Variants in CCDC171 observed in about 807,000 individuals in gnomAD.
The protein encoded by CCDC171 is coiled-coil domain-containing protein 171.
CCDC171 carries 177 observed loss-of-function variants against 168.2 expected under a neutral mutation model. That is an observed-to-expected ratio of 1.05 (90% CI 0.93 to 1.19). The LOEUF (loss-of-function observed/expected upper bound fraction) is 1.19, where lower values mean the gene tolerates loss of function less well. Among genes scored for constraint, CCDC171 ranks in the 50% most tolerant of loss-of-function variants. The pLI, the probability that CCDC171 is intolerant of heterozygous loss-of-function variation, is 0.00. For synonymous variants in CCDC171, 687 were observed against 540.8 expected (o/e 1.27, Z -3.75); for missense variants, 1,991 against 1,539.0 (o/e 1.29, Z -4.91).
the CCDC171 span, among the ~76,000 whole-genome samples, chr9:16,103,196 T>C: frequency 2.6e-5 from 4 of 152,168 alleles, no homozygotes; most frequent in African/African-American, 7.2e-5. Context: ...GTTTCAGTTC[T>C]GAGCTTTAAG....
chr9:15,860,239 T>C (rs2061503816), intron 23 of CCDC171, among the ~76,000 whole-genome samples: 1 of 151,878 alleles, frequency 6.6e-6, no homozygotes, highest in Non-Finnish European at 1.5e-5. Context: ...TGATTTTCTC[T>C]ATTGTGTTTT....
At chr9:15,623,475 G>GCGTGCGCGCACGCGCACACACACA in intron 7 of CCDC171, 62 bp downstream of exon 7, 1 of 293,708 alleles carries the variant, frequency 3.4e-6, no homozygotes, top group Admixed American at 5.3e-5. Context: ...GCGCGCGCGC[G>GCGTGCGCGCACGCGCACACACACA]CACACACACA....
intron 23 of CCDC171, among the ~76,000 whole-genome samples, chr9:15,873,827 A>G (rs1246346008): frequency 6.6e-6 from 1 of 152,126 alleles, no homozygotes; most frequent in East Asian, 1.9e-4. Context: ...TGTTTTTCCC[A>G]TATCGGTGAT....
At chr9:15,597,998 T>G (rs142318370) in intron 6 of CCDC171, among the ~76,000 whole-genome samples, 4,899 of 152,218 alleles carry the variant, frequency 0.032, 133 homozygotes, top group Non-Finnish European at 0.044. Context: ...GATATCCCCT[T>G]TATGATTTTT....
chr9:15,812,937 G>A (rs2059418487), intron 21 of CCDC171, among the ~76,000 whole-genome samples: 1 of 152,182 alleles, frequency 6.6e-6, no homozygotes, highest in African/African-American at 2.4e-5. Flanking sequence ...GGACCTCGTG[G>A]TAACTACTGA....
At chr9:15,752,825 C>T (rs1275342758) in intron 18 of CCDC171, among the ~76,000 whole-genome samples, 1 of 151,920 alleles carries the variant, frequency 6.6e-6, no homozygotes, top group Non-Finnish European at 1.5e-5. Context: ...ACCAACATGG[C>T]TCATATATAC....
At chr9:15,874,889 C>A in intron 24 of CCDC171, 2 of 346,928 alleles carry the variant, frequency 5.8e-6, no homozygotes, top group Non-Finnish European at 9.8e-6. Context: ...GTGTTTTTAC[C>A]AAGGAAAAAT....
intron 6 of CCDC171, among the ~76,000 whole-genome samples, chr9:15,602,632 CTTTTTTTTTTTTTTCT>C (rs2042937969): frequency 1.3e-4 from 4 of 31,002 alleles, no homozygotes; most frequent in African/African-American, 3.9e-4. Flanking sequence ...TTTCTCATTT[CTTTTTTTTTTTTTTCT>C]TTTTTTTTTT....
At chr9:15,633,312 A>C (rs933288091) in intron 7 of CCDC171, among the ~76,000 whole-genome samples, 3 of 152,190 alleles carry the variant, frequency 2.0e-5, no homozygotes, top group Non-Finnish European at 2.9e-5. Flanking sequence ...CAATGAACTC[A>C]AACAAATTTA....
chr9:15,896,422 A>G (rs954315297), intron 24 of CCDC171, among the ~76,000 whole-genome samples: 5 of 152,110 alleles, frequency 3.3e-5, no homozygotes, highest in Non-Finnish European at 5.9e-5. Context: ...TCCTTCAAAG[A>G]TGGTGCCAGT....
chr9:16,099,554 A>G, the CCDC171 span, among the ~76,000 whole-genome samples: 4 of 152,224 alleles, frequency 2.6e-5, no homozygotes, highest in Non-Finnish European at 5.9e-5. Context: ...GAAAAATGCC[A>G]TGAGCTTCCC....
rs1044195750 is a variant in CCDC171 at position 15,903,894 on chromosome 9, G to T, written c.3601-16376G>T. The stretch of plus-strand genomic sequence containing the variant: ...CGTGACGAATGCATAAGCCTCAGTA[G>T]CCGATTTGATCAACTGGAAGAAAGG... On this transcript the variant is annotated intron_variant, in intron 24 of 25. Coordinates refer to ENST00000380701, the MANE Select transcript of CCDC171 (RefSeq NM_173550.4). Among the ~76,000 whole-genome samples the T allele has an allele frequency of 5.0e-4, 76 of 152,184 alleles. 1 individual carries two copies. The highest frequency in any genetic ancestry group is 4.9e-3 in the Admixed American group (75 of 15,276).
intron 3 of CCDC171, among the ~76,000 whole-genome samples, chr9:16,007,039 G>C (rs979771990): frequency 1.3e-5 from 2 of 152,132 alleles, no homozygotes; most frequent in Non-Finnish European, 1.5e-5. Context: ...CTAGTTTACA[G>C]TCCCACCAAC....
the CCDC171 span, among the ~76,000 whole-genome samples, chr9:16,076,742 A>T: frequency 6.6e-6 from 1 of 152,304 alleles, no homozygotes; most frequent in South Asian, 2.1e-4. Context: ...AAACAATTAC[A>T]TTGTTGAAAC....
intron 1 of CCDC171, among the ~76,000 whole-genome samples, chr9:15,560,224 T>G (rs199890370): frequency 6.6e-6 from 1 of 151,986 alleles, no homozygotes. Context: ...GCTCTTCTTG[T>G]GGAGTATCTT....
intron 2 of CCDC171, among the ~76,000 whole-genome samples, chr9:15,570,247 A>G (rs2040116653): frequency 6.6e-6 from 1 of 151,666 alleles, no homozygotes; most frequent in Admixed American, 6.6e-5. Context: ...CTTGGAGGCC[A>G]GGCGTGAGCC....
At chr9:16,086,587 T>A in the CCDC171 span, among the ~76,000 whole-genome samples, 1 of 152,178 alleles carries the variant, frequency 6.6e-6, no homozygotes. Context: ...ATTGTGTCTA[T>A]TTGATTCTTC....
chr9:15,692,387 C>T (rs1295377966), intron 10 of CCDC171, among the ~76,000 whole-genome samples: 1 of 151,250 alleles, frequency 6.6e-6, no homozygotes, highest in African/African-American at 2.4e-5. Flanking sequence ...AAAGACAAGT[C>T]ATTTTTTGTT....
intron 25 of CCDC171, among the ~76,000 whole-genome samples, chr9:15,943,988 G>A (rs927713708): frequency 5.9e-5 from 9 of 151,998 alleles, no homozygotes; most frequent in Non-Finnish European, 8.8e-5. Flanking sequence ...TATGTGAACC[G>A]AAACAGGATG....
Sources: gnomAD v4.1 joint callset for allele counts (sites outside exome capture counted in the v4.1 genomes callset) on GRCh38, gnomAD v4.1.1 for gene constraint, MANE v1.5 for transcripts, NCBI Gene and HGNC (gene_info 2026-07-23, HGNC 2026-07-21) for gene names.